ETHE1: variants seen among roughly 807,000 people sequenced by gnomAD.
ETHE1 encodes ETHE1 persulfide dioxygenase.
ETHE1 carries 16 observed loss-of-function variants against 25.7 expected under a neutral mutation model. That is an observed-to-expected ratio of 0.62 (90% CI 0.42 to 0.95). The LOEUF is 0.95. ETHE1 is among the 40% of genes least tolerant of loss of function. ETHE1 has a pLI of 0.00. For synonymous variants in ETHE1, 139 were observed against 135.9 expected, an observed-to-expected ratio of 1.02 and a Z score of -0.16; for missense variants, 300 against 333.6, an observed-to-expected ratio of 0.90 and a Z score of 0.79.
intron 3 of ETHE1, among the ~76,000 whole-genome samples, chr19:43,519,856 C>A (rs990164222): frequency 6.6e-6 from 1 of 152,024 alleles, no homozygotes; most frequent in African/African-American, 2.4e-5. Context: ...TACATACGCA[C>A]CTATGATAGA....
At position 43,527,157 on chromosome 19, in the gene ETHE1, C is replaced by A. The variant is rs1330347075; in HGVS notation, c.21G>T (p.Arg7Ser). The change falls in exon 1 of 7, where the codon AGG becomes AGT. Residue 7 changes from arginine to serine, a missense_variant. Physicochemically the swap from Arg to Ser is moderately radical, Grantham distance 110. Coordinates refer to ENST00000292147, the MANE Select transcript of ETHE1 (RefSeq NM_014297.5). ...GCTGGCTCAGCTGCCGCCGGGCGACCCTCAGTACAGCCTCCGCCATCGCGC... is the reference window on the plus strand; with the variant it reads ...GCTGGCTCAGCTGCCGCCGGGCGACACTCAGTACAGCCTCCGCCATCGCGC... The part of the protein sequence containing the change: MAEAVL[R>S]VARRQLSQRG... 6.5e-7 allele frequency: 1 copy of A among 1,544,504 alleles called. No homozygotes were observed. Among genetic ancestry groups the A allele is most frequent in the Non-Finnish European group, 8.7e-7 (1 of 1,149,156 alleles).
chr19:43,509,911 C>G (rs1568492700), intron 4 of ETHE1, among the ~76,000 whole-genome samples: 1 of 152,220 alleles, frequency 6.6e-6, no homozygotes, highest in Non-Finnish European at 1.5e-5. Flanking sequence ...GGGGGCAAAC[C>G]TCTATTCCAC....
In ETHE1 at chr19:43,506,760, C is replaced by T; in HGVS notation, c.*90G>A. On this transcript the variant is annotated 3_prime_UTR_variant, in exon 7 of 7. Coordinates refer to ENST00000292147, the MANE Select transcript of ETHE1 (RefSeq NM_014297.5). ...TTTATTTAGGGAGCTCCAGGGAATG[C>T]GGTGGGAAAGGAGAGGTGCAGTGTC... The T allele has an allele frequency of 5.8e-6, 7 of 1,215,002 alleles. No individual in the cohort carries two copies. Among genetic ancestry groups the T allele is most frequent in the Non-Finnish European group, 7.3e-6 (6 of 820,246 alleles). 75.3% of individuals were successfully genotyped at this position (1,215,002 alleles called of 1,614,324 possible).
chr19:43,513,527 G>C (rs1231311962), intron 3 of ETHE1, among the ~76,000 whole-genome samples: 1 of 152,176 alleles, frequency 6.6e-6, no homozygotes, highest in Non-Finnish European at 1.5e-5. Flanking sequence ...AGATTTGACT[G>C]CCCCACTGGA....
chr19:43,525,125 T>TA (rs60796262), intron 3 of ETHE1, among the ~76,000 whole-genome samples: 20,321 of 90,572 alleles, frequency 0.22, 1,564 homozygotes, highest in Non-Finnish European at 0.28. Flanking sequence ...CAGTCTCAAA[T>TA]AAAAAAAAAA....
chr19:43,526,819 C>T (rs1972260699), intron 1 of ETHE1, 160 bp from the exon 2 acceptor site: 1 of 1,502,394 alleles, frequency 6.7e-7, no homozygotes, highest in Non-Finnish European at 8.9e-7. Context: ...ACTACCTTCC[C>T]CTATCAGAAC....
chr19:43,524,026 G>A (rs1458322586), intron 3 of ETHE1, among the ~76,000 whole-genome samples: 1 of 151,480 alleles, frequency 6.6e-6, no homozygotes, highest in African/African-American at 2.4e-5. Flanking sequence ...ACCTGAGATA[G>A]GGAGTTGGAG....
At chr19:43,509,535 C>T (rs1599986243) in intron 4 of ETHE1, among the ~76,000 whole-genome samples, 1 of 150,494 alleles carries the variant, frequency 6.6e-6, no homozygotes, top group South Asian at 2.1e-4. Context: ...GTGGCTCACG[C>T]CTGTAATCCC....
chr19:43,516,772 C>T (rs989489590), intron 3 of ETHE1, among the ~76,000 whole-genome samples: 2 of 151,714 alleles, frequency 1.3e-5, no homozygotes, highest in African/African-American at 4.8e-5. Flanking sequence ...ATAACAGGCA[C>T]GCATCACTGT....
At chr19:43,516,838 C>A (rs1221858439) in intron 3 of ETHE1, among the ~76,000 whole-genome samples, 1 of 151,996 alleles carries the variant, frequency 6.6e-6, no homozygotes, top group African/African-American at 2.4e-5. Flanking sequence ...TCATGTTGAC[C>A]AGGCTGGTCT....
At chr19:43,523,933 C>CA (rs1360462084) in intron 3 of ETHE1, among the ~76,000 whole-genome samples, 2 of 150,732 alleles carry the variant, frequency 1.3e-5, no homozygotes, top group Non-Finnish European at 1.5e-5. Flanking sequence ...AAGACTGTCT[C>CA]AAAAAAATAA....
In ETHE1 at chr19:43,506,725, T is replaced by TA; in HGVS notation, c.*124dup. On this transcript the variant is annotated 3_prime_UTR_variant, in exon 7 of 7. Coordinates refer to ENST00000292147, the MANE Select transcript of ETHE1 (RefSeq NM_014297.5). ...AAATAGGTAGAAGTCAGACTCACGT[T>TA]AAAAAAAGTTTTATTTAGGGAGCTC... is the stretch of plus-strand genomic sequence containing the variant. 3.2e-6 allele frequency: 3 copies of TA among 939,432 alleles called. No homozygotes were observed. Among genetic ancestry groups the TA allele is most frequent in the Admixed American group, 1.9e-5 (1 of 52,696 alleles). The allele number at this position is 939,432 out of a possible 1,614,324, so 58.2% of individuals were successfully genotyped here.
At chr19:43,515,709 G>C (rs1972006008) in intron 3 of ETHE1, among the ~76,000 whole-genome samples, 1 of 152,030 alleles carries the variant, frequency 6.6e-6, no homozygotes, top group Non-Finnish European at 1.5e-5. Flanking sequence ...CAAGTAGCTA[G>C]GGTTACAGGT....
Position 43,511,573 on chromosome 19 carries a change from G to A in ETHE1, c.376-7C>T, listed in dbSNP as rs1332094158. The A allele has an allele frequency of 3.1e-6, 5 of 1,612,692 alleles. No individual in the cohort carries two copies. In the South Asian group the frequency reaches 4.4e-5, roughly 14 times the overall value. ...TGGCCCTGGTCTCCAACGCCTGGCA[G>A]GGGTGGAAGAGTACAGAGATAGTCA... is the stretch of plus-strand genomic sequence containing the variant. On this transcript the variant is annotated splice_polypyrimidine_tract_variant and splice_region_variant and intron_variant, in intron 3 of 6. Coordinates refer to ENST00000292147, the MANE Select transcript of ETHE1 (RefSeq NM_014297.5).
rs930854445 is a variant in ETHE1, at chr19:43,506,758, T to G, written c.*92A>C. 6.9e-5 allele frequency: 83 copies of G among 1,195,336 alleles called. No homozygotes were observed. Among genetic ancestry groups the G allele is most frequent in the Non-Finnish European group, 9.7e-5 (78 of 801,936 alleles). 74.0% of individuals were successfully genotyped at this position (1,195,336 alleles called of 1,614,324 possible). A position where few individuals can be genotyped will look rare whatever the true frequency, so the allele number is the denominator to read the frequency against. On this transcript the variant is annotated 3_prime_UTR_variant, in exon 7 of 7. Transcript: ENST00000292147. ...GTTTTATTTAGGGAGCTCCAGGGAATGCGGTGGGAAAGGAGAGGTGCAGTG... is the reference window on the plus strand; with the variant it reads ...GTTTTATTTAGGGAGCTCCAGGGAAGGCGGTGGGAAAGGAGAGGTGCAGTG...
At chr19:43,521,646 G>C (rs1972140533) in intron 3 of ETHE1, among the ~76,000 whole-genome samples, 1 of 151,372 alleles carries the variant, frequency 6.6e-6, no homozygotes, top group Admixed American at 6.6e-5. Flanking sequence ...CTCCAACCTG[G>C]GGGACAGAGT....
In ETHE1 at chr19:43,506,734, T is replaced by C. The variant is rs1481614590; in HGVS notation, c.*116A>G. 1.9e-6 allele frequency: 2 copies of C among 1,046,740 alleles called. No homozygotes were observed. Among genetic ancestry groups the C allele is most frequent in the Non-Finnish European group, 1.5e-6 (1 of 679,874 alleles). 64.8% of individuals were successfully genotyped at this position (1,046,740 alleles called of 1,614,324 possible). A position where few individuals can be genotyped will look rare whatever the true frequency, so the allele number is the denominator to read the frequency against. On this transcript the variant is annotated 3_prime_UTR_variant, in exon 7 of 7. Transcript: ENST00000292147. Reference sequence around the variant, plus strand: ...GAAGTCAGACTCACGTTAAAAAAAGTTTTATTTAGGGAGCTCCAGGGAATG... The same window carrying C: ...GAAGTCAGACTCACGTTAAAAAAAGCTTTATTTAGGGAGCTCCAGGGAATG...
Position 43,506,778 on chromosome 19 carries a change from G to A in ETHE1, c.*72C>T. ...GGGAATGCGGTGGGAAAGGAGAGGT[G>A]CAGTGTCATTGCCGCCCTCTCCTCC... On this transcript the variant is annotated 3_prime_UTR_variant, in exon 7 of 7. Transcript: ENST00000292147. The A allele has an allele frequency of 9.6e-6, 13 of 1,351,832 alleles. No homozygotes were observed. The South Asian group carries it at 1.2e-4, about 12-fold the overall frequency. The allele number at this position is 1,351,832 out of a possible 1,614,324, so 83.7% of individuals were successfully genotyped here. A position where few individuals can be genotyped will look rare whatever the true frequency, so the allele number is the denominator to read the frequency against.
At chr19:43,519,633 C>T (rs893080362) in intron 3 of ETHE1, among the ~76,000 whole-genome samples, 5 of 152,100 alleles carry the variant, frequency 3.3e-5, no homozygotes, top group Non-Finnish European at 5.9e-5. Context: ...GTAAAGCATT[C>T]AGCTTGCTGG....
Sources: gnomAD v4.1 joint callset for allele counts (sites outside exome capture counted in the v4.1 genomes callset) on GRCh38, gnomAD v4.1.1 for gene constraint, MANE v1.5 for transcripts, NCBI Gene and HGNC (gene_info 2026-07-23, HGNC 2026-07-21) for gene names.